Variants in CFDP1 observed in about 807,000 individuals in gnomAD.
The protein encoded by CFDP1 is chromatin remodeling protein CFDP1.
Under a neutral mutation model 40.1 loss-of-function variants are expected in CFDP1, and 31 were observed. That is an observed-to-expected ratio of 0.77 (90% CI 0.58 to 1.04). The LOEUF (loss-of-function observed/expected upper bound fraction) is 1.04, where lower values mean the gene tolerates loss of function less well. Among genes scored for constraint, CFDP1 ranks in the 50% least tolerant of loss-of-function variants. The probability of loss-of-function intolerance (pLI) is 0.00; values close to 1 mark genes in which losing one functional copy is unlikely to be tolerated. For missense variants in CFDP1, 423 were observed against 343.4 expected, an observed-to-expected ratio of 1.23 and a Z score of -1.83; for synonymous variants, 167 against 120.0, an observed-to-expected ratio of 1.39 and a Z score of -2.56.
chr16:75,404,380 C>T lies in CFDP1; in HGVS notation c.530+7445G>A, dbSNP rs542323979. On this transcript the variant is annotated intron_variant, in intron 4 of 6. Transcript: ENST00000283882. ...CCTCCTACAGGCACCCGCCACTGCA[C>T]CCAGCTAATTTTTTGTATTTTTAGT... is the stretch of plus-strand genomic sequence containing the variant. 2.0e-5 allele frequency among the ~76,000 whole-genome samples: 3 copies of T among 151,620 alleles called. No individual in the cohort carries two copies. In the East Asian group the frequency reaches 5.9e-4, roughly 30 times the overall value.
At chr16:75,323,589 TGA>T (rs2078381373) in intron 5 of CFDP1, among the ~76,000 whole-genome samples, 1 of 152,120 alleles carries the variant, frequency 6.6e-6, no homozygotes, top group South Asian at 2.1e-4. Context: ...AAGACCAGCC[TGA>T]CTAACATGGT....
At chr16:75,317,580 GAGAATAATTTATTGACC>G (rs1214642866) in intron 5 of CFDP1, among the ~76,000 whole-genome samples, 1 of 152,198 alleles carries the variant, frequency 6.6e-6, no homozygotes, top group African/African-American at 2.4e-5. Context: ...CACAGCTGGG[GAGAATAATTTATTGACC>G]AATACAAACA....
chr16:75,341,829 C>A (rs569224557), intron 5 of CFDP1, among the ~76,000 whole-genome samples: 294 of 152,242 alleles, frequency 1.9e-3, no homozygotes, highest in African/African-American at 6.5e-3. Flanking sequence ...TGTACTCAAG[C>A]AGCCAGGTAA....
In CFDP1 at chr16:75,309,819, C is replaced by CAAAAAAA. The variant is rs1156624164; in HGVS notation, c.651-4644_651-4638dup. 1.1e-4 allele frequency among the ~76,000 whole-genome samples: 5 copies of CAAAAAAA among 46,478 alleles called. 1 individual carries two copies. The South Asian group carries it at 6.4e-3, about 59-fold the overall frequency. The allele number at this position is 46,478 out of a possible 152,430, so 30.5% of individuals were successfully genotyped here. The stretch of plus-strand genomic sequence containing the variant: ...TGGGTGACAGAGTGAGACTCCATCT[C>CAAAAAAA]AAAAAAAAAAAAAAAAAAAAAAAAA... On this transcript the variant is annotated intron_variant, in intron 5 of 6. Transcript: ENST00000283882.
chr16:75,318,704 G>A lies in CFDP1; in HGVS notation c.651-13522C>T, dbSNP rs1013038899. Among the ~76,000 whole-genome samples the A allele has an allele frequency of 5.3e-5, 8 of 151,934 alleles. No individual in the cohort carries two copies. The East Asian group carries it at 1.2e-3, about 22-fold the overall frequency. On this transcript the variant is annotated intron_variant, in intron 5 of 6. Transcript: ENST00000283882. ...CAGGCGTGAGCCACTGCGCCCGGCC[G>A]GCATGCTTTCTTAAATATCTGCATC...
intron 6 of CFDP1, among the ~76,000 whole-genome samples, chr16:75,302,719 G>C (rs1378206095): frequency 6.6e-6 from 1 of 152,218 alleles, no homozygotes; most frequent in Non-Finnish European, 1.5e-5. Flanking sequence ...AGTTACTGGA[G>C]CTGAATCTGA....
rs1339707036 is a variant in CFDP1 at position 75,332,519 on chromosome 16, T to TGA, written c.651-27338_651-27337insTC. Among the ~76,000 whole-genome samples the TGA allele has an allele frequency of 1.1e-4, 17 of 151,614 alleles. No homozygotes were observed. In the East Asian group the frequency reaches 2.9e-3, roughly 26 times the overall value. ...AAATAAAATAAAAAATAAAATACAGTAGCTCGATGTGGTGGTGCTTGTTTG... is the reference window on the plus strand; with the variant it reads ...AAATAAAATAAAAAATAAAATACAGTGAAGCTCGATGTGGTGGTGCTTGTTTG... On this transcript the variant is annotated intron_variant, in intron 5 of 6. Coordinates refer to ENST00000283882, the MANE Select transcript of CFDP1 (RefSeq NM_006324.3).
chr16:75,372,625 G>C (rs1333807822), intron 5 of CFDP1: 1 of 152,222 alleles, frequency 6.6e-6, no homozygotes, highest in Non-Finnish European at 1.5e-5. Flanking sequence ...TCAATCCAGG[G>C]TTTAGTCTGG....
At chr16:75,430,602 T>C (rs12930768) in intron 1 of CFDP1, among the ~76,000 whole-genome samples, 78,381 of 151,738 alleles carry the variant, frequency 0.52, 21,293 homozygotes, top group Admixed American at 0.64. Context: ...TAGATAGGAT[T>C]ACAGGCGCCC....
intron 1 of CFDP1, among the ~76,000 whole-genome samples, chr16:75,428,579 T>C (rs1174398200): frequency 6.6e-6 from 1 of 150,410 alleles, no homozygotes; most frequent in African/African-American, 2.5e-5. Flanking sequence ...ATTGCGCCAC[T>C]GCACTCCAGC....
intron 5 of CFDP1, among the ~76,000 whole-genome samples, chr16:75,358,334 T>C (rs542518506): frequency 6.6e-6 from 1 of 152,320 alleles, no homozygotes; most frequent in Non-Finnish European, 1.5e-5. Flanking sequence ...TGCCTACATA[T>C]AGGAACTCTC....
rs566347243 is a variant in CFDP1, at chr16:75,430,353, T to C, written c.64+2936A>G. The stretch of plus-strand genomic sequence containing the variant: ...CCCAGCTATTTTTTTATATCTTTAG[T>C]ACAGACAGGGTTTCACTATGTTGGC... On this transcript the variant is annotated intron_variant, in intron 1 of 6. Coordinates refer to ENST00000283882, the MANE Select transcript of CFDP1 (RefSeq NM_006324.3). Among the ~76,000 whole-genome samples, 5 of 152,208 alleles carry C rather than the reference T, an allele frequency of 3.3e-5. No homozygotes were observed. The East Asian group carries it at 9.7e-4, about 29-fold the overall frequency.
intron 1 of CFDP1, among the ~76,000 whole-genome samples, chr16:75,421,062 C>T (rs1317314169): frequency 6.6e-6 from 1 of 152,062 alleles, no homozygotes; most frequent in African/African-American, 2.4e-5. Flanking sequence ...GGAGGGGGTC[C>T]CTGGAGAATC....
chr16:75,413,997 AAAG>A (rs2079183834), intron 2 of CFDP1, among the ~76,000 whole-genome samples: 1 of 152,196 alleles, frequency 6.6e-6, no homozygotes, highest in African/African-American at 2.4e-5. Flanking sequence ...ACATGTATAC[AAAG>A]AATATTCACT....
At chr16:75,397,585 G>A (rs1459403447) in intron 4 of CFDP1, among the ~76,000 whole-genome samples, 2 of 151,902 alleles carry the variant, frequency 1.3e-5, no homozygotes, top group African/African-American at 4.8e-5. Context: ...GGCAGATTAT[G>A]AGGTCAGGAG....
intron 4 of CFDP1, among the ~76,000 whole-genome samples, chr16:75,401,570 A>G (rs1218070225): frequency 2.0e-5 from 3 of 152,140 alleles, no homozygotes; most frequent in Admixed American, 6.6e-5. Flanking sequence ...ACTACACTCC[A>G]GTCTGGGCGA....
At chr16:75,311,190 T>C (rs150475254) in intron 5 of CFDP1, among the ~76,000 whole-genome samples, 19 of 152,334 alleles carry the variant, frequency 1.2e-4, no homozygotes, top group Middle Eastern at 3.4e-3. Context: ...AGCAGGAGAC[T>C]TGGGGTTAGT....
At chr16:75,372,235 T>A (rs1293411237) in intron 5 of CFDP1, 1 of 152,186 alleles carries the variant, frequency 6.6e-6, no homozygotes, top group East Asian at 1.9e-4. Context: ...TCTGAAGAGT[T>A]TGACAGAGAA....
At chr16:75,313,552 G>A (rs771670356) in intron 5 of CFDP1, among the ~76,000 whole-genome samples, 10 of 152,090 alleles carry the variant, frequency 6.6e-5, no homozygotes, top group Non-Finnish European at 1.0e-4. Flanking sequence ...TGGTCGCCAT[G>A]AGGCCTGGCC....
Sources: allele counts gnomAD v4.1 joint callset (sites outside exome capture counted in the v4.1 genomes callset), GRCh38; gene constraint gnomAD v4.1.1; transcripts MANE v1.5; gene names NCBI Gene and HGNC (gene_info 2026-07-23, HGNC 2026-07-21).